The following RGPD6 variants were observed in gnomAD, a reference collection of about 807,000 sequenced individuals.
RGPD6 encodes the protein RANBP2 like and GRIP domain containing 6, also known as RANBP2-like and GRIP domain-containing protein 5/6.
the RGPD6 span, among the ~76,000 whole-genome samples, chr2:110,605,818 TCA>T: frequency 4.0e-5 from 6 of 151,298 alleles, no homozygotes; most frequent in Non-Finnish European, 7.4e-5. Flanking sequence ...ATGTTTCTAT[TCA>T]CAGTCTTCCC....
the RGPD6 span, among the ~76,000 whole-genome samples, chr2:110,596,952 A>AAT: frequency 3.2e-5 from 3 of 92,750 alleles, no homozygotes; most frequent in African/African-American, 1.4e-4. Context: ...TTATATATAT[A>AAT]ATATATATAA....
the RGPD6 span, among the ~76,000 whole-genome samples, chr2:110,599,848 C>T: frequency 0.017 from 1,736 of 103,984 alleles, no homozygotes; most frequent in Non-Finnish European, 0.023. Flanking sequence ...TCAGGTGTTC[C>T]GTTCATATTC....
At chr2:110,605,090 G>A in the RGPD6 span, among the ~76,000 whole-genome samples, 2 of 151,702 alleles carry the variant, frequency 1.3e-5, no homozygotes, top group Middle Eastern at 3.4e-3. Context: ...CCAAGTTCTC[G>A]GCGCCCTGAA....
At chr2:110,606,165 A>G in the RGPD6 span, among the ~76,000 whole-genome samples, 1 of 151,224 alleles carries the variant, frequency 6.6e-6, no homozygotes, top group Non-Finnish European at 1.5e-5. Flanking sequence ...GCGTTATTTC[A>G]TGATGCTCTT....
chr2:110,611,032 C>G, the RGPD6 span: 23 of 964,750 alleles, frequency 2.4e-5, 1 homozygote, highest in Middle Eastern at 4.3e-3. Flanking sequence ...AGCGAGCTCG[C>G]CGCGCCGCCG....
the RGPD6 span, among the ~76,000 whole-genome samples, chr2:110,600,115 C>G: frequency 1.3e-5 from 2 of 150,642 alleles, no homozygotes; most frequent in East Asian, 2.0e-4. Flanking sequence ...CACTGGTGCT[C>G]AGGCAGAACG....
At chr2:110,605,950 G>A in the RGPD6 span, among the ~76,000 whole-genome samples, 3 of 151,596 alleles carry the variant, frequency 2.0e-5, no homozygotes, top group Non-Finnish European at 4.4e-5. Flanking sequence ...CCCTCAAGCA[G>A]GCAGTGTCAG....
chr2:110,606,659 G>A, the RGPD6 span, among the ~76,000 whole-genome samples: 2 of 135,568 alleles, frequency 1.5e-5, no homozygotes, highest in East Asian at 4.1e-4. Context: ...ATTCCACCAT[G>A]ATGCATAAAA....
At chr2:110,604,653 CA>C in the RGPD6 span, among the ~76,000 whole-genome samples, 1 of 151,264 alleles carries the variant, frequency 6.6e-6, no homozygotes, top group Middle Eastern at 3.4e-3. Flanking sequence ...TCGATTTTGC[CA>C]CCAAGACTTT....
the RGPD6 span, among the ~76,000 whole-genome samples, chr2:110,605,145 C>T: frequency 1.4e-4 from 21 of 152,046 alleles, no homozygotes; most frequent in East Asian, 4.1e-3. Flanking sequence ...ACGCCCCACA[C>T]GAGGGCTGAG....
chr2:110,600,206 T>C, the RGPD6 span, among the ~76,000 whole-genome samples: 1 of 102,760 alleles, frequency 9.7e-6, no homozygotes, highest in East Asian at 3.1e-4. Flanking sequence ...TGGCACACCA[T>C]GGTAAAAACG....
chr2:110,596,973 G>A, the RGPD6 span, among the ~76,000 whole-genome samples: 1,213 of 107,356 alleles, frequency 0.011, no homozygotes, highest in African/African-American at 0.021. Flanking sequence ...TATATATTAT[G>A]TATATATATA....
the RGPD6 span, among the ~76,000 whole-genome samples, chr2:110,607,269 G>A: frequency 2.6e-5 from 4 of 151,426 alleles, no homozygotes; most frequent in East Asian, 1.9e-4. Flanking sequence ...CTACAGTGTC[G>A]GGTGCTGAAT....
At chr2:110,606,742 T>C in the RGPD6 span, among the ~76,000 whole-genome samples, 1 of 150,350 alleles carries the variant, frequency 6.7e-6, no homozygotes, top group Non-Finnish European at 1.5e-5. Context: ...GTACTCTCAA[T>C]ACCCCCACCC....
chr2:110,602,012 TAGAA>T, the RGPD6 span, among the ~76,000 whole-genome samples: 1 of 112,574 alleles, frequency 8.9e-6, no homozygotes, highest in Non-Finnish European at 1.8e-5. Context: ...ACACCCTCCT[TAGAA>T]AGATAAAGTC....
At chr2:110,605,145 C>G in the RGPD6 span, among the ~76,000 whole-genome samples, 1 of 151,974 alleles carries the variant, frequency 6.6e-6, no homozygotes, top group South Asian at 2.1e-4. Flanking sequence ...ACGCCCCACA[C>G]GAGGGCTGAG....
the RGPD6 span, among the ~76,000 whole-genome samples, chr2:110,589,506 A>T: frequency 1.3e-5 from 2 of 152,142 alleles, no homozygotes; most frequent in South Asian, 4.1e-4. Flanking sequence ...TGCTACGAGA[A>T]AGTCTATGTC....
At chr2:110,605,561 G>T in the RGPD6 span, among the ~76,000 whole-genome samples, 2 of 151,452 alleles carry the variant, frequency 1.3e-5, no homozygotes. Context: ...AAGGGTAGAG[G>T]CACCTGAAGG....
chr2:110,608,029 T>C, the RGPD6 span, among the ~76,000 whole-genome samples: 1 of 151,232 alleles, frequency 6.6e-6, no homozygotes, highest in Non-Finnish European at 1.5e-5. Context: ...AAAATGGCAA[T>C]TGTCTGACTG....
Sources: allele counts gnomAD v4.1 joint callset (sites outside exome capture counted in the v4.1 genomes callset), GRCh38; gene constraint gnomAD v4.1.1; transcripts MANE v1.5; gene names NCBI Gene and HGNC (gene_info 2026-07-23, HGNC 2026-07-21).